The following TNPO2 variants were observed in gnomAD, a reference collection of about 807,000 sequenced individuals.
TNPO2 encodes transportin-2.
A neutral mutation model predicts 111.1 loss-of-function variants in TNPO2; 16 were observed. The observed-to-expected ratio is 0.14, with a 90% confidence interval of 0.10 to 0.22. TNPO2 has a LOEUF of 0.22. Ranked by LOEUF, TNPO2 falls within the 10% of genes least tolerant of loss-of-function variation. The probability of loss-of-function intolerance (pLI) is 1.00; values close to 1 mark genes in which losing one functional copy is unlikely to be tolerated. For synonymous variants in TNPO2, 481 were observed against 475.8 expected (o/e 1.01, Z -0.14); for missense variants, 530 against 1,173.7 (o/e 0.45, Z 8.01).
intron 20 of TNPO2, chr19:12,703,148 G>A (rs1331718747): frequency 1.9e-5 from 11 of 585,668 alleles, no homozygotes; most frequent in Non-Finnish European, 3.0e-5. Flanking sequence ...TCGCTAAGGT[G>A]ACAACACGCT....
intron 13 of TNPO2, among the ~76,000 whole-genome samples, chr19:12,709,193 C>T (rs2025891431): frequency 1.3e-5 from 2 of 151,852 alleles, no homozygotes; most frequent in South Asian, 4.1e-4. Context: ...AACCCTGTCT[C>T]TACTAAAAAT....
rs2025319240 is a variant in TNPO2, at chr19:12,701,748, C to T, written c.2511+4G>A. ...GCCTGCCCTCAGAGCCCAGCTGCCC[C>T]AACCTGCACAACGCCCCCCGGGTTG... On this transcript the variant is annotated splice_donor_region_variant and intron_variant, in intron 23 of 25. Transcript: ENST00000425528. The surrounding 1 kb of genome is among the most constrained non-coding windows in gnomAD (Gnocchi z 5.0). 6.2e-7 allele frequency: 1 copy of T among 1,613,608 alleles called. No individual in the cohort carries two copies. Among genetic ancestry groups the T allele is most frequent in the Non-Finnish European group, 8.5e-7 (1 of 1,179,776 alleles).
chr19:12,703,560 G>A, intron 19 of TNPO2, 34 bp from the exon 20 acceptor site: 1 of 1,606,976 alleles, frequency 6.2e-7, no homozygotes, highest in Admixed American at 1.7e-5. Flanking sequence ...TGAGAAGGAG[G>A]GCCAGCCAGG....
chr19:12,721,978 G>T lies in TNPO2; in HGVS notation c.-13-988C>A, dbSNP rs558696928. ...CCTCAACGGATCCCAGCAACGCCTC[G>T]AAGTCAGATCCAAGAAAACCCTCTA... On this transcript the variant is annotated intron_variant, in intron 2 of 25. Transcript: ENST00000425528. The surrounding 1 kb of genome is among the most constrained non-coding windows in gnomAD (Gnocchi z 4.9). Among the ~76,000 whole-genome samples the T allele has an allele frequency of 6.7e-6, 1 of 149,556 alleles. No homozygotes were observed. The highest frequency in any genetic ancestry group is 2.5e-5 in the African/African-American group (1 of 40,388).
chr19:12,715,782 G>A lies in TNPO2; in HGVS notation c.326-43C>T, dbSNP rs8107663. On this transcript the variant is annotated intron_variant, in intron 5 of 25. Transcript: ENST00000425528. This position sits in a 1 kb window ranked among gnomAD's most constrained non-coding sequence, Gnocchi z 7.1. ...GGACGCTGCCTGAGGCTGGGCAGGG[G>A]CTGCCTAGCACCTCCCCCTCCCACT... The A allele has an allele frequency of 0.047, 70,588 of 1,508,478 alleles. 1,897 individuals are homozygous for A. The highest frequency in any genetic ancestry group is 0.054 in the Non-Finnish European group (59,458 of 1,108,254). 93.4% of individuals were successfully genotyped at this position (1,508,478 alleles called of 1,614,324 possible). A position where few individuals can be genotyped will look rare whatever the true frequency, so the allele number is the denominator to read the frequency against.
chr19:12,701,236 A>T lies in TNPO2; in HGVS notation c.*28T>A. On this transcript the variant is annotated 3_prime_UTR_variant, in exon 26 of 26. Coordinates refer to ENST00000425528, the MANE Select transcript of TNPO2 (RefSeq NM_001382241.1). This position sits in a 1 kb window ranked among gnomAD's most constrained non-coding sequence, Gnocchi z 5.0. ...AGTAATCCCTCCGACGACGACGCAGACAGAAACCTGCAGGGGGAGGAGGAA... is the reference window on the plus strand; with the variant it reads ...AGTAATCCCTCCGACGACGACGCAGTCAGAAACCTGCAGGGGGAGGAGGAA... 1 of 861,174 alleles carries T rather than the reference A, an allele frequency of 1.2e-6. No individual in the cohort carries two copies. The highest frequency in any genetic ancestry group is 2.5e-5 in the East Asian group (1 of 39,404). 53.3% of individuals were successfully genotyped at this position (861,174 alleles called of 1,614,324 possible). A position where few individuals can be genotyped will look rare whatever the true frequency, so the allele number is the denominator to read the frequency against.
chr19:12,701,225 C>A lies in TNPO2; in HGVS notation c.*39G>T. 1.3e-6 allele frequency: 1 copy of A among 775,694 alleles called. No individual in the cohort carries two copies. Among genetic ancestry groups the A allele is most frequent in the Non-Finnish European group, 2.1e-6 (1 of 483,618 alleles). 48.1% of individuals were successfully genotyped at this position (775,694 alleles called of 1,614,324 possible). ...GCGCACTCCCCAGTAATCCCTCCGA[C>A]GACGACGCAGACAGAAACCTGCAGG... On this transcript the variant is annotated 3_prime_UTR_variant, in exon 26 of 26. Transcript: ENST00000425528. The surrounding 1 kb of genome is among the most constrained non-coding windows in gnomAD (Gnocchi z 5.0).
rs187438542 is a variant in TNPO2 at position 12,715,137 on chromosome 19, G to A, written c.681C>T (p.Pro227=). 366 of 1,603,732 alleles carry A rather than the reference G, an allele frequency of 2.3e-4. 2 individuals are homozygous for A. The African/African-American group carries it at 3.0e-3, about 13-fold the overall frequency. Residue 227 remains proline, a synonymous_variant, in exon 9 of 26, where the codon CCC becomes CCT. Transcript: ENST00000425528. The surrounding 1 kb of genome is among the most constrained non-coding windows in gnomAD (Gnocchi z 7.1). ...HLFALAVDDD[P]EVRKNVCRAL... ...CACGGCACACATTCTTCCGCACCTCGGGGTCATCATCCACAGCCAGGGCAA... is the reference window on the plus strand; with the variant it reads ...CACGGCACACATTCTTCCGCACCTCAGGGTCATCATCCACAGCCAGGGCAA...
intron 10 of TNPO2, among the ~76,000 whole-genome samples, chr19:12,713,380 C>T (rs1386630960): frequency 1.3e-5 from 2 of 152,006 alleles, no homozygotes; most frequent in African/African-American, 2.4e-5. Context: ...GGGCTCACAC[C>T]TGTCATTATA....
At chr19:12,703,369 G>A (rs938300807) in intron 20 of TNPO2, 59 bp downstream of exon 20, 37 of 1,506,034 alleles carry the variant, frequency 2.5e-5, no homozygotes, top group African/African-American at 2.2e-4. Flanking sequence ...CTAGGCTCCC[G>A]CCCCCAGGTT....
Position 12,719,283 on chromosome 19 carries a change from G to A in TNPO2, c.153C>T (p.Val51=). The A allele has an allele frequency of 6.2e-7, 1 of 1,613,958 alleles. No homozygotes were observed. The highest frequency in any genetic ancestry group is 8.5e-7 in the Non-Finnish European group (1 of 1,179,872). Residue 51 remains valine (V), a synonymous_variant, in exon 4 of 26, where the codon GTC becomes GTT. Transcript: ENST00000425528. This position sits in a 1 kb window ranked among gnomAD's most constrained non-coding sequence, Gnocchi z 5.0. ...FPDFNNYLIF[V]LTRLKSEDEP... ...TACCTTCTGACTTGAGTCTGGTCAGGACGAAAATCAGGTAGTTGTTGAAGT... is the reference window on the plus strand; with the variant it reads ...TACCTTCTGACTTGAGTCTGGTCAGAACGAAAATCAGGTAGTTGTTGAAGT...
At chr19:12,714,601 C>G (rs1437772714) in intron 10 of TNPO2, among the ~76,000 whole-genome samples, 1 of 152,172 alleles carries the variant, frequency 6.6e-6, no homozygotes, top group African/African-American at 2.4e-5. Context: ...TGTCAGCCAC[C>G]ACATGTGGCC....
In TNPO2 at chr19:12,702,208, G is replaced by A. The variant is rs563324567; in HGVS notation, c.2306-31C>T. On this transcript the variant is annotated intron_variant, in intron 21 of 25. Coordinates refer to ENST00000425528, the MANE Select transcript of TNPO2 (RefSeq NM_001382241.1). The surrounding 1 kb of genome is among the most constrained non-coding windows in gnomAD (Gnocchi z 5.5). ...ACCCCGAGCGGCCCCGGGACGGTACGTGGCGGGGCCTCTGGCACAAGGCAC... is the reference window on the plus strand; with the variant it reads ...ACCCCGAGCGGCCCCGGGACGGTACATGGCGGGGCCTCTGGCACAAGGCAC... 14 of 1,586,250 alleles carry A rather than the reference G, an allele frequency of 8.8e-6. No individual in the cohort carries two copies. The East Asian group carries it at 1.1e-4, about 13-fold the overall frequency.
intron 10 of TNPO2, among the ~76,000 whole-genome samples, chr19:12,713,391 G>C (rs1294416822): frequency 2.0e-5 from 3 of 151,872 alleles, no homozygotes; most frequent in Non-Finnish European, 4.4e-5. Context: ...TGTCATTATA[G>C]CACTTTGGGA....
rs74540120 is a variant in TNPO2 at position 12,715,020 on chromosome 19, G to C, written c.771+27C>G. Reference sequence around the variant, plus strand: ...CCTGCCACCGGCCCCCTGCCTGCCCGCCTGGGCTGGCCTTGACCATGCACA... The same window carrying C: ...CCTGCCACCGGCCCCCTGCCTGCCCCCCTGGGCTGGCCTTGACCATGCACA... On this transcript the variant is annotated intron_variant, in intron 9 of 25. Transcript: ENST00000425528. This position sits in a 1 kb window ranked among gnomAD's most constrained non-coding sequence, Gnocchi z 7.1. The C allele has an allele frequency of 4.0e-3, 6,262 of 1,571,092 alleles. 209 individuals carry two copies. The African/African-American group carries it at 0.073, about 18-fold the overall frequency.
rs1245993980 is a variant in TNPO2 at position 12,702,111 on chromosome 19, T to C, written c.2372A>G (p.Gln791Arg). The C allele has an allele frequency of 6.2e-7, 1 of 1,613,500 alleles. No homozygotes were observed. Among genetic ancestry groups the C allele is most frequent in the Non-Finnish European group, 8.5e-7 (1 of 1,179,788 alleles). ...TIGRLGYVCP[Q>R]EVAPMLQQFI... ...CTGCTGCAGCATGGGTGCCACCTCC[T>C]GGGGGCACACGTAGCCCAAGCGGCC... Residue 791 changes from glutamine (Q) to arginine (R), a missense_variant, in exon 22 of 26, where the codon CAG becomes CGG. Transcript: ENST00000425528. The surrounding 1 kb of genome is among the most constrained non-coding windows in gnomAD (Gnocchi z 5.5).
At position 12,719,254 on chromosome 19, in the gene TNPO2, G is replaced by A; in HGVS notation, c.175+7C>T. 1 of 1,613,908 alleles carries A rather than the reference G, an allele frequency of 6.2e-7. No homozygotes were observed. The highest frequency in any genetic ancestry group is 8.5e-7 in the Non-Finnish European group (1 of 1,179,830). ...CCCGATCGCATGGAAGGGAGCAGAG[G>A]GCGTACCTTCTGACTTGAGTCTGGT... On this transcript the variant is annotated splice_region_variant and intron_variant, in intron 4 of 25. Transcript: ENST00000425528. The surrounding 1 kb of genome is among the most constrained non-coding windows in gnomAD (Gnocchi z 5.0).
Position 12,711,569 on chromosome 19 carries a change from T to C in TNPO2, c.935A>G (p.Asp312Gly). ...CTGCCTGACCTTGAGCAGGATGATG[T>C]CAATTTCCGAGTACTTCATCCCATT... is the stretch of plus-strand genomic sequence containing the variant. ...LVNGMKYSEI[D>G]IILLKGDVEE... Residue 312 changes from aspartate to glycine, a missense_variant, in exon 11 of 26, where the codon GAC becomes GGC. Asp to Gly is a moderately conservative substitution (Grantham distance 94). This residue lies in a region of TNPO2 where 156 missense variants were observed against 405.8 expected (regional missense o/e 0.38). Coordinates refer to ENST00000425528, the MANE Select transcript of TNPO2 (RefSeq NM_001382241.1). 6.2e-7 allele frequency: 1 copy of C among 1,613,912 alleles called. No individual in the cohort carries two copies. Among genetic ancestry groups the C allele is most frequent in the Non-Finnish European group, 8.5e-7 (1 of 1,179,860 alleles).
Position 12,719,231 on chromosome 19 carries a change from C to T in TNPO2, c.175+30G>A, listed in dbSNP as rs772442739. On this transcript the variant is annotated intron_variant, in intron 4 of 25. Coordinates refer to ENST00000425528, the MANE Select transcript of TNPO2 (RefSeq NM_001382241.1). This position sits in a 1 kb window ranked among gnomAD's most constrained non-coding sequence, Gnocchi z 5.0. ...GGCCCAGGGGGAGAAAGCAGGGTCC[C>T]GATCGCATGGAAGGGAGCAGAGGGC... 1.2e-6 allele frequency: 2 copies of T among 1,613,830 alleles called. No individual in the cohort carries two copies. Among genetic ancestry groups the T allele is most frequent in the African/African-American group, 1.3e-5 (1 of 74,986 alleles).
Sources: allele counts gnomAD v4.1 joint callset (sites outside exome capture counted in the v4.1 genomes callset), GRCh38; gene constraint gnomAD v4.1.1; regional missense constraint gnomAD v4.1.1; non-coding constraint Gnocchi (gnomAD v3.1); transcripts MANE v1.5; gene names NCBI Gene and HGNC (gene_info 2026-07-23, HGNC 2026-07-21).